The following ANKS1B variants were observed in gnomAD, a reference collection of about 807,000 sequenced individuals.
ANKS1B encodes ankyrin repeat and sterile alpha motif domain containing 1B.
Under a neutral mutation model 148.3 loss-of-function variants are expected in ANKS1B, and 36 were observed. The observed-to-expected ratio is 0.24, with a 90% confidence interval of 0.19 to 0.32. ANKS1B has a LOEUF of 0.32. Ranked by LOEUF, ANKS1B falls within the 10% of genes least tolerant of loss-of-function variation. The pLI is 1.00. For synonymous variants in ANKS1B, 542 were observed against 560.8 expected, an observed-to-expected ratio of 0.97 and a Z score of 0.47; for missense variants, 1,157 against 1,542.6, an observed-to-expected ratio of 0.75 and a Z score of 4.19.
chr12:99,215,209 AGAATTGAGTTTTGG>A, intron 14 of ANKS1B, among the ~76,000 whole-genome samples: 1 of 152,360 alleles, frequency 6.6e-6, no homozygotes, highest in East Asian at 1.9e-4. Flanking sequence ...ACAGAAGTCA[AGAATTGAGTTTTGG>A]GAACCTCCTT....
chr12:99,473,237 CCTT>C (rs1385215349), intron 10 of ANKS1B, among the ~76,000 whole-genome samples: 2 of 151,878 alleles, frequency 1.3e-5, no homozygotes, highest in Non-Finnish European at 2.9e-5. Flanking sequence ...AATTCTGACT[CCTT>C]TTTTTCATTT....
At chr12:98,790,066 G>A (rs1477851605) in intron 22 of ANKS1B, among the ~76,000 whole-genome samples, 4 of 152,094 alleles carry the variant, frequency 2.6e-5, no homozygotes, top group Admixed American at 1.3e-4. Flanking sequence ...AGTAATGAAC[G>A]TGTATTGCTT....
At chr12:99,826,017 CTAT>C (rs2083140885) in intron 1 of ANKS1B, among the ~76,000 whole-genome samples, 1 of 91,538 alleles carries the variant, frequency 1.1e-5, no homozygotes, top group Non-Finnish European at 2.4e-5. Context: ...ATAAAAGAGT[CTAT>C]TTTTTTTTTG....
intron 4 of ANKS1B, among the ~76,000 whole-genome samples, chr12:99,796,909 A>G (rs1227972721): frequency 6.6e-6 from 1 of 151,964 alleles, no homozygotes; most frequent in African/African-American, 2.4e-5. Context: ...TTCAATAAAA[A>G]CAGAAAAGGT....
chr12:99,384,326 T>C (rs1477302766), intron 12 of ANKS1B, among the ~76,000 whole-genome samples: 5 of 152,212 alleles, frequency 3.3e-5, no homozygotes, highest in African/African-American at 9.6e-5. Context: ...TCTTTAAATG[T>C]AATCTTTAAA....
At chr12:98,856,262 T>C (rs1055087000) in intron 17 of ANKS1B, among the ~76,000 whole-genome samples, 1 of 152,200 alleles carries the variant, frequency 6.6e-6, no homozygotes, top group Non-Finnish European at 1.5e-5. Flanking sequence ...TAGCTATACA[T>C]ATATAAGCCA....
intron 15 of ANKS1B, among the ~76,000 whole-genome samples, chr12:99,134,655 A>T (rs879710152): frequency 0.17 from 8,747 of 52,572 alleles, 455 homozygotes; most frequent in East Asian, 0.34. Context: ...TCACACACAC[A>T]CACACACACA....
intron 10 of ANKS1B, among the ~76,000 whole-genome samples, chr12:99,497,129 C>T (rs1014571237): frequency 6.6e-6 from 1 of 152,154 alleles, no homozygotes; most frequent in Non-Finnish European, 1.5e-5. Context: ...GCTTAAGTCT[C>T]TTCTATAAAA....
intron 22 of ANKS1B, among the ~76,000 whole-genome samples, chr12:98,788,638 C>T (rs553554889): frequency 6.6e-6 from 1 of 152,190 alleles, no homozygotes; most frequent in African/African-American, 2.4e-5. Flanking sequence ...AACTCACATG[C>T]TCTGGAGCAC....
intron 9 of ANKS1B, among the ~76,000 whole-genome samples, chr12:99,616,173 C>T (rs2097957732): frequency 6.6e-6 from 1 of 152,170 alleles, no homozygotes; most frequent in Admixed American, 6.5e-5. Flanking sequence ...GTTCCATGCT[C>T]ATGGATAGGA....
At chr12:98,962,388 TTA>T (rs374244706) in intron 17 of ANKS1B, among the ~76,000 whole-genome samples, 25 of 148,194 alleles carry the variant, frequency 1.7e-4, no homozygotes, top group Non-Finnish European at 3.3e-4. Context: ...GATATAACAA[TTA>T]TATATATATA....
chr12:99,190,899 G>A (rs1394805124), intron 14 of ANKS1B, among the ~76,000 whole-genome samples: 1 of 151,896 alleles, frequency 6.6e-6, no homozygotes, highest in Admixed American at 6.6e-5. Flanking sequence ...TCATGAGAGT[G>A]AACAGGCAAC....
chr12:99,064,283 C>G (rs2043355323), intron 16 of ANKS1B, among the ~76,000 whole-genome samples: 1 of 152,180 alleles, frequency 6.6e-6, no homozygotes, highest in South Asian at 2.1e-4. Context: ...AAGGTCTATT[C>G]CAGAGAGGGC....
chr12:98,830,951 T>TTTTTTTTTTTG, intron 18 of ANKS1B: 1 of 130,618 alleles, frequency 7.7e-6, no homozygotes, highest in Non-Finnish European at 1.6e-5. Context: ...TTTTTTTTTT[T>TTTTTTTTTTTG]TTTTTTTTTT....
At chr12:99,352,411 G>A (rs2091519050) in intron 12 of ANKS1B, among the ~76,000 whole-genome samples, 1 of 151,830 alleles carries the variant, frequency 6.6e-6, no homozygotes, top group Admixed American at 6.6e-5. Context: ...ATCTGGGAGG[G>A]GGGAGTCTGC....
intron 19 of ANKS1B, among the ~76,000 whole-genome samples, 173 bp from the exon 20 acceptor site, chr12:98,808,091 T>A (rs2099065034): frequency 6.6e-6 from 1 of 152,234 alleles, no homozygotes; most frequent in Admixed American, 6.5e-5. Flanking sequence ...TCCAAGTCAT[T>A]CTTTTTGCTT....
intron 6 of ANKS1B, among the ~76,000 whole-genome samples, chr12:99,777,924 C>G (rs1207905639): frequency 2.6e-5 from 4 of 151,548 alleles, no homozygotes; most frequent in Non-Finnish European, 5.9e-5. Context: ...GGCAGCCGGG[C>G]ACGGTAGCTC....
At chr12:98,862,123 T>C (rs1332268898) in intron 17 of ANKS1B, among the ~76,000 whole-genome samples, 2 of 152,200 alleles carry the variant, frequency 1.3e-5, no homozygotes, top group Non-Finnish European at 2.9e-5. Context: ...CTAAATTGTG[T>C]TTGTCATCCC....
intron 17 of ANKS1B, among the ~76,000 whole-genome samples, chr12:98,843,497 C>A (rs2099420586): frequency 6.6e-6 from 1 of 152,194 alleles, no homozygotes; most frequent in African/African-American, 2.4e-5. Context: ...GCCTGCAGAA[C>A]CATGAACTAA....
Sources: gnomAD v4.1 joint callset for allele counts (sites outside exome capture counted in the v4.1 genomes callset) on GRCh38, gnomAD v4.1.1 for gene constraint, MANE v1.5 for transcripts, NCBI Gene and HGNC (gene_info 2026-07-23, HGNC 2026-07-21) for gene names.